EDA2R: variants seen among roughly 807,000 people sequenced by gnomAD.
EDA2R encodes the protein ectodysplasin A2 receptor.
In EDA2R, 26 loss-of-function variants were observed where a neutral mutation model predicts 20.1. That is an observed-to-expected ratio of 1.30 (90% CI 0.95 to 1.80). EDA2R has a LOEUF of 1.80. Among genes scored for constraint, EDA2R ranks in the 40% most tolerant of loss-of-function variants. The probability of loss-of-function intolerance (pLI) is 0.00; values close to 1 mark genes in which losing one functional copy is unlikely to be tolerated. For synonymous variants in EDA2R, 114 were observed against 88.7 expected (o/e 1.29, Z -1.60); for missense variants, 277 against 228.7 (o/e 1.21, Z -1.36).
chrX:66,599,851 A>G lies in EDA2R; in HGVS notation c.527T>C (p.Leu176Pro), dbSNP rs1928223630. 4 of 1,202,705 alleles carry G rather than the reference A, an allele frequency of 3.3e-6. No individual in the cohort carries two copies. In the South Asian group the frequency reaches 5.4e-5, roughly 16 times the overall value. Residue 176 changes from leucine (L) to proline (P), a missense_variant, in exon 6 of 7, where the codon CTG (leucine) becomes CCG (proline). By Grantham distance (98) the Leu-to-Pro change is moderately conservative. Coordinates refer to ENST00000374719, the MANE Select transcript of EDA2R (RefSeq NM_021783.5). ...FNRHCQRGGL[L>P]QFEADKTAKE... ...TGCTGTTTTATCAGCCTCAAACTGC[A>G]GCAAACCTCCTGCAACTCGAAGCAG...
At chrX:66,629,235 T>C (rs965638862) in intron 1 of EDA2R, among the ~76,000 whole-genome samples, 2 of 111,313 alleles carry the variant, frequency 1.8e-5, no homozygotes, top group African/African-American at 6.5e-5. Context: ...GCCAACATAA[T>C]ACTGAATGGG....
rs1446210773 is a variant in EDA2R at position 66,599,454 on chromosome X, G to A, written c.*10+20C>T. 5.5e-6 allele frequency: 6 copies of A among 1,091,457 alleles called. No individual in the cohort carries two copies. The highest frequency in any genetic ancestry group is 7.2e-6 in the Non-Finnish European group (6 of 835,210). 89.9% of individuals were successfully genotyped at this position (1,091,457 alleles called of 1,213,427 possible). ...TGTTTTGCTTTTTTTGTTTTTTTCT[G>A]ATCCACCTTTCCAGCTCACCTCATT... On this transcript the variant is annotated intron_variant, in intron 6 of 6. Coordinates refer to ENST00000374719, the MANE Select transcript of EDA2R (RefSeq NM_021783.5).
At chrX:66,617,058 G>A (rs1162724959) in intron 1 of EDA2R, among the ~76,000 whole-genome samples, 1 of 111,883 alleles carries the variant, frequency 8.9e-6, no homozygotes, top group Non-Finnish European at 1.9e-5. Context: ...CAAAGAGAAA[G>A]GTAGCATGAG....
intron 5 of EDA2R, among the ~76,000 whole-genome samples, chrX:66,602,340 G>A (rs1014095772): frequency 3.6e-5 from 4 of 110,886 alleles, no homozygotes; most frequent in African/African-American, 1.3e-4. Context: ...ATAGAACCTA[G>A]GTCTCCCGAT....
chrX:66,630,712 C>T (rs1195924096), intron 1 of EDA2R, among the ~76,000 whole-genome samples: 7 of 109,272 alleles, frequency 6.4e-5, no homozygotes, highest in East Asian at 2.9e-4. Flanking sequence ...GTGTGGATGT[C>T]GTGAACAGGC....
Position 66,616,044 on chromosome X carries a change from A to G in EDA2R, c.-10-14T>C, listed in dbSNP as rs369617527. 176 of 1,130,744 alleles carry G rather than the reference A, an allele frequency of 1.6e-4. No individual in the cohort carries two copies. In the African/African-American group the frequency reaches 2.8e-3, roughly 18 times the overall value. 93.2% of individuals were successfully genotyped at this position (1,130,744 alleles called of 1,213,427 possible). A position where few individuals can be genotyped will look rare whatever the true frequency, so the allele number is the denominator to read the frequency against. Reference sequence around the variant, plus strand: ...ATGGTGGGAAGGCTGTGGGTAGAGAACACAAGAACTAGCAAGCTAGTGGGA... The same window carrying G: ...ATGGTGGGAAGGCTGTGGGTAGAGAGCACAAGAACTAGCAAGCTAGTGGGA... On this transcript the variant is annotated splice_polypyrimidine_tract_variant and intron_variant, in intron 1 of 6. Transcript: ENST00000374719.
At position 66,605,043 on chromosome X, in the gene EDA2R, C is replaced by T. The variant is rs757830830; in HGVS notation, c.266+5G>A. On this transcript the variant is annotated splice_donor_5th_base_variant and intron_variant, in intron 3 of 6. Transcript: ENST00000374719. ...GACAAGCTTGGTCTCATAAAGCAAG[C>T]TCACCTGGGCAAACAGTCCCCACAG... The T allele has an allele frequency of 6.7e-6, 8 of 1,193,743 alleles. No homozygotes were observed. The highest frequency in any genetic ancestry group is 9.0e-6 in the Non-Finnish European group (8 of 886,241).
intron 1 of EDA2R, among the ~76,000 whole-genome samples, chrX:66,635,733 A>C (rs894912324): frequency 2.7e-5 from 3 of 112,083 alleles, no homozygotes; most frequent in Non-Finnish European, 5.6e-5. Flanking sequence ...GTTCTGGCAC[A>C]GATGCTTACT....
chrX:66,607,403 C>T (rs1017341792), intron 2 of EDA2R, among the ~76,000 whole-genome samples: 2 of 111,362 alleles, frequency 1.8e-5, no homozygotes, highest in African/African-American at 6.5e-5. Context: ...GGAAAAACAC[C>T]TAAACAAATG....
intron 3 of EDA2R, 31 bp downstream of exon 3, chrX:66,605,017 A>G (rs753711121): frequency 8.6e-7 from 1 of 1,161,251 alleles, no homozygotes; most frequent in African/African-American, 1.8e-5. Flanking sequence ...AGAAAAGCCC[A>G]GACAAGCTTG....
At chrX:66,621,603 A>G (rs751550594) in intron 1 of EDA2R, among the ~76,000 whole-genome samples, 3 of 112,758 alleles carry the variant, frequency 2.7e-5, no homozygotes, top group African/African-American at 9.7e-5. Flanking sequence ...GTGCAATAAC[A>G]TGAATGAACG....
chrX:66,606,679 T>C (rs1162596863), intron 2 of EDA2R, among the ~76,000 whole-genome samples: 1 of 112,356 alleles, frequency 8.9e-6, no homozygotes, highest in African/African-American at 3.2e-5. Context: ...CTGCTATTTT[T>C]ACTTGTACTT....
intron 5 of EDA2R, chrX:66,600,203 C>G (rs1022223658): frequency 7.2e-6 from 4 of 552,966 alleles, no homozygotes; most frequent in Non-Finnish European, 1.2e-5. Flanking sequence ...ACATGGCAAA[C>G]TAGACTCTGC....
intron 1 of EDA2R, among the ~76,000 whole-genome samples, chrX:66,623,814 C>T (rs2044785824): frequency 8.9e-6 from 1 of 112,161 alleles, no homozygotes; most frequent in Admixed American, 9.4e-5. Context: ...TGTTCATATA[C>T]AGTCTTCTTA....
chrX:66,607,361 A>C (rs1929872520), intron 2 of EDA2R, among the ~76,000 whole-genome samples: 1 of 112,335 alleles, frequency 8.9e-6, no homozygotes, highest in South Asian at 3.7e-4. Context: ...ATGGCGATAC[A>C]TGACAAAAAA....
In EDA2R at chrX:66,620,965, CAAAAAAA is replaced by C. The variant is rs376190384; in HGVS notation, c.-10-4942_-10-4936del. Among the ~76,000 whole-genome samples, 119 of 55,307 alleles carry C rather than the reference CAAAAAAA, an allele frequency of 2.2e-3. 2 individuals carry two copies. The highest frequency in any genetic ancestry group is 0.016 in the Middle Eastern group (1 of 62). The allele number at this position is 55,307 out of a possible 115,157, so 48.0% of individuals were successfully genotyped here. On this transcript the variant is annotated intron_variant, in intron 1 of 6. Transcript: ENST00000374719. Reference sequence around the variant, plus strand: ...TAAAACAGCACTTTATATCCACTACCAAAAAAAAAAAAAAAAAAAAAAAATAGCCGGC... The same window carrying C: ...TAAAACAGCACTTTATATCCACTACCAAAAAAAAAAAAAAAAATAGCCGGC...
intron 1 of EDA2R, among the ~76,000 whole-genome samples, chrX:66,628,008 A>C (rs1371243506): frequency 2.7e-5 from 3 of 111,782 alleles, no homozygotes; most frequent in Non-Finnish European, 5.6e-5. Flanking sequence ...AAATGGAATA[A>C]AACTGGAAAT....
chrX:66,614,601 T>C (rs780937130), intron 2 of EDA2R, among the ~76,000 whole-genome samples: 23 of 112,473 alleles, frequency 2.0e-4, no homozygotes, highest in Non-Finnish European at 4.1e-4. Flanking sequence ...TTATCAACCA[T>C]GTGGGTACCC....
intron 5 of EDA2R, among the ~76,000 whole-genome samples, chrX:66,600,805 A>G (rs940745402): frequency 8.9e-6 from 1 of 111,893 alleles, no homozygotes; most frequent in African/African-American, 3.3e-5. Context: ...TCTTTATTCA[A>G]ATTCATTGAC....
Sources: gnomAD v4.1 joint callset for allele counts (sites outside exome capture counted in the v4.1 genomes callset) on GRCh38, gnomAD v4.1.1 for gene constraint, MANE v1.5 for transcripts, NCBI Gene and HGNC (gene_info 2026-07-23, HGNC 2026-07-21) for gene names.